ZSCAN25: variants seen among roughly 807,000 people sequenced by gnomAD.
ZSCAN25 encodes the protein zinc finger and SCAN domain-containing protein 25.
ZSCAN25 carries 27 observed loss-of-function variants against 38.7 expected under a neutral mutation model. The ratio of observed to expected loss-of-function variants is 0.70; its 90% CI spans 0.51 to 0.96. The LOEUF is 0.96. ZSCAN25 is among the 40% of genes least tolerant of loss of function. The pLI is 0.00. For missense variants in ZSCAN25, 637 were observed against 705.9 expected (o/e 0.90, Z 1.11); for synonymous variants, 273 against 277.7 (o/e 0.98, Z 0.17).
chr7:99,720,689 A>G, the ZSCAN25 span: 1 of 370,950 alleles, frequency 2.7e-6, no homozygotes, highest in Non-Finnish European at 5.1e-6. Context: ...TAGAAATGAC[A>G]GGAGAGCATT....
chr7:99,713,811 T>C, the ZSCAN25 span, among the ~76,000 whole-genome samples: 2 of 152,218 alleles, frequency 1.3e-5, no homozygotes, highest in Admixed American at 6.5e-5. Context: ...CTGGGCCTTT[T>C]ATTCTTCTGT....
At chr7:99,677,536 G>C in the ZSCAN25 span, among the ~76,000 whole-genome samples, 16 of 152,184 alleles carry the variant, frequency 1.1e-4, no homozygotes, top group African/African-American at 3.9e-4. Context: ...CCTCTTTAGA[G>C]GTTAGCCTTC....
intron 5 of ZSCAN25, 107 bp downstream of exon 5, chr7:99,621,681 GT>G (rs1385914141): frequency 1.0e-6 from 1 of 977,756 alleles, no homozygotes; most frequent in African/African-American, 1.7e-5. Context: ...CCCACGAGGT[GT>G]AATTGTGAAT....
At chr7:99,666,990 A>G in the ZSCAN25 span, 1 of 1,614,132 alleles carries the variant, frequency 6.2e-7, no homozygotes, top group Non-Finnish European at 8.5e-7. Flanking sequence ...GGAGACAGCA[A>G]TGACCGTATT....
the ZSCAN25 span, chr7:99,638,202 G>T: frequency 2.1e-6 from 3 of 1,454,780 alleles, 1 homozygote; most frequent in South Asian, 4.4e-5. Flanking sequence ...ATGGGTTTTT[G>T]ATTTCTCTCC....
the ZSCAN25 span, among the ~76,000 whole-genome samples, chr7:99,734,295 A>G: frequency 2.6e-5 from 4 of 152,354 alleles, no homozygotes; most frequent in East Asian, 7.7e-4. Flanking sequence ...GGAAGCCTCC[A>G]GTACACACAG....
At chr7:99,713,623 G>C in the ZSCAN25 span, 2 of 1,578,044 alleles carry the variant, frequency 1.3e-6, no homozygotes, top group Non-Finnish European at 1.7e-6. Flanking sequence ...CCTCCCTTCT[G>C]AGAATATAGC....
the ZSCAN25 span, among the ~76,000 whole-genome samples, chr7:99,691,054 C>A: frequency 6.6e-6 from 1 of 152,168 alleles, no homozygotes; most frequent in Non-Finnish European, 1.5e-5. Flanking sequence ...AAATGTCCAA[C>A]AACGATAGAC....
At chr7:99,645,374 T>G in the ZSCAN25 span, among the ~76,000 whole-genome samples, 1 of 152,194 alleles carries the variant, frequency 6.6e-6, no homozygotes, top group East Asian at 1.9e-4. Flanking sequence ...TGATGGGTGT[T>G]TAGGTTAATT....
At chr7:99,627,860 C>T (rs1807629686) in intron 7 of ZSCAN25, among the ~76,000 whole-genome samples, 1 of 151,360 alleles carries the variant, frequency 6.6e-6, no homozygotes, top group South Asian at 2.1e-4. Context: ...TATATATATG[C>T]AGGGTATAGT....
At chr7:99,626,902 C>T (rs534973432) in intron 7 of ZSCAN25, among the ~76,000 whole-genome samples, 9 of 152,348 alleles carry the variant, frequency 5.9e-5, no homozygotes, top group African/African-American at 2.2e-4. Context: ...GCACTCAAAA[C>T]GGGTTTCTCA....
chr7:99,717,011 C>T, the ZSCAN25 span, among the ~76,000 whole-genome samples: 1 of 152,216 alleles, frequency 6.6e-6, no homozygotes, highest in Non-Finnish European at 1.5e-5. Flanking sequence ...TGCCCCACCT[C>T]CTCATCGGAG....
chr7:99,660,412 T>G, the ZSCAN25 span: 4 of 1,491,558 alleles, frequency 2.7e-6, no homozygotes, highest in South Asian at 4.1e-5. Flanking sequence ...ATTATGCTTT[T>G]TATAAAAATT....
chr7:99,719,396 C>T, the ZSCAN25 span, among the ~76,000 whole-genome samples: 2 of 152,082 alleles, frequency 1.3e-5, no homozygotes, highest in South Asian at 2.1e-4. Context: ...CCAAAAATGG[C>T]TTTGGAACAA....
chr7:99,672,806 A>G, the ZSCAN25 span: 1 of 1,522,446 alleles, frequency 6.6e-7, no homozygotes, highest in African/African-American at 1.4e-5. Context: ...GACACACAGC[A>G]ACCTTAGGTT....
the ZSCAN25 span, among the ~76,000 whole-genome samples, chr7:99,642,933 A>G: frequency 1.3e-5 from 2 of 152,206 alleles, no homozygotes; most frequent in Admixed American, 1.3e-4. Context: ...GAACAGAGAC[A>G]GTATGGGCGT....
At chr7:99,664,493 A>G in the ZSCAN25 span, among the ~76,000 whole-genome samples, 2 of 152,250 alleles carry the variant, frequency 1.3e-5, no homozygotes, top group Admixed American at 6.5e-5. Context: ...ATCAACTTCC[A>G]TGGAATAAAA....
chr7:99,709,073 TG>T, the ZSCAN25 span: 1 of 1,614,002 alleles, frequency 6.2e-7, no homozygotes, highest in Non-Finnish European at 8.5e-7. Context: ...TCCAGTACTT[TG>T]GGTCATGATG....
the ZSCAN25 span, chr7:99,650,187 G>T: frequency 1.2e-6 from 2 of 1,613,960 alleles, no homozygotes; most frequent in Admixed American, 3.3e-5. Flanking sequence ...CAGTTCCAAA[G>T]GGTGTGTATA....
Sources: allele counts gnomAD v4.1 joint callset (sites outside exome capture counted in the v4.1 genomes callset), GRCh38; gene constraint gnomAD v4.1.1; transcripts MANE v1.5; gene names NCBI Gene and HGNC (gene_info 2026-07-23, HGNC 2026-07-21).